Variants in TECRL observed in about 807,000 individuals in gnomAD.
The protein encoded by TECRL is trans-2,3-enoyl-CoA reductase-like.
Under a neutral mutation model 52.8 loss-of-function variants are expected in TECRL, and 63 were observed. The ratio of observed to expected loss-of-function variants is 1.19; its 90% CI spans 0.97 to 1.47. TECRL has a LOEUF of 1.47. Among genes scored for constraint, TECRL ranks in the 40% most tolerant of loss-of-function variants. TECRL has a pLI of 0.00. For missense variants in TECRL, 482 were observed against 429.6 expected, an observed-to-expected ratio of 1.12 and a Z score of -1.08; for synonymous variants, 164 against 141.9, an observed-to-expected ratio of 1.16 and a Z score of -1.10.
intron 2 of TECRL, among the ~76,000 whole-genome samples, chr4:64,361,719 G>A (rs910958005): frequency 6.6e-6 from 1 of 151,970 alleles, no homozygotes; most frequent in African/African-American, 2.4e-5. Context: ...CCCTATCTGA[G>A]AGACAACTTC....
chr4:64,387,968 T>C (rs1288750590), intron 1 of TECRL, among the ~76,000 whole-genome samples: 1 of 151,834 alleles, frequency 6.6e-6, no homozygotes, highest in East Asian at 1.9e-4. Context: ...GTTTGTTTCT[T>C]GTCTTTTTAT....
intron 4 of TECRL, among the ~76,000 whole-genome samples, chr4:64,320,980 T>C (rs1395557042): frequency 6.6e-6 from 1 of 152,104 alleles, no homozygotes; most frequent in East Asian, 1.9e-4. Flanking sequence ...TCAACTATTT[T>C]TTTTCATTTG....
intron 4 of TECRL, among the ~76,000 whole-genome samples, chr4:64,320,859 G>A (rs1450240644): frequency 6.6e-6 from 1 of 152,008 alleles, no homozygotes; most frequent in African/African-American, 2.4e-5. Context: ...ATCGTCTATA[G>A]GTTGTTTTCT....
intron 2 of TECRL, among the ~76,000 whole-genome samples, chr4:64,373,938 T>C (rs1722159551): frequency 6.8e-6 from 1 of 147,518 alleles, no homozygotes; most frequent in African/African-American, 2.5e-5. Flanking sequence ...ATACACTATA[T>C]ATATACTATA....
chr4:64,301,326 A>G (rs2109976939), intron 7 of TECRL, among the ~76,000 whole-genome samples: 1 of 151,280 alleles, frequency 6.6e-6, no homozygotes, highest in South Asian at 2.1e-4. Flanking sequence ...TTAATGTTGT[A>G]CCAATTTTGC....
intron 2 of TECRL, among the ~76,000 whole-genome samples, chr4:64,357,663 TATAG>T (rs1720864439): frequency 6.6e-6 from 1 of 151,524 alleles, no homozygotes; most frequent in Non-Finnish European, 1.5e-5. Flanking sequence ...CAAAATAAAT[TATAG>T]ATACTCAGAT....
At chr4:64,315,691 C>T (rs1280772807) in intron 4 of TECRL, among the ~76,000 whole-genome samples, 2 of 151,988 alleles carry the variant, frequency 1.3e-5, no homozygotes, top group Non-Finnish European at 2.9e-5. Flanking sequence ...ATCATGTTCA[C>T]AGCTCTGTTG....
chr4:64,373,134 T>C (rs771079948), intron 2 of TECRL, among the ~76,000 whole-genome samples: 27 of 151,806 alleles, frequency 1.8e-4, no homozygotes, highest in Middle Eastern at 6.8e-3. Context: ...GTGTCTTCAA[T>C]TTGTAAAACC....
intron 9 of TECRL, among the ~76,000 whole-genome samples, chr4:64,283,758 T>C (rs1040989760): frequency 2.6e-5 from 4 of 152,056 alleles, no homozygotes; most frequent in Admixed American, 2.6e-4. Flanking sequence ...ATCTGTTAAG[T>C]CAAGTTTGTT....
intron 2 of TECRL, among the ~76,000 whole-genome samples, chr4:64,340,924 C>A (rs898948328): frequency 2.0e-5 from 3 of 152,158 alleles, no homozygotes; most frequent in Admixed American, 6.5e-5. Context: ...GAACTACCAG[C>A]TGCAGAGAGG....
rs1487317970 is a variant in TECRL, at chr4:64,401,683, T to A, written c.234+7435A>T. ...TAAGCTTCGTGTAATCTAAACTATTTGAATAACAAAGCAGGCATAGCTCTC... is the reference window on the plus strand; with the variant it reads ...TAAGCTTCGTGTAATCTAAACTATTAGAATAACAAAGCAGGCATAGCTCTC... On this transcript the variant is annotated intron_variant, in intron 1 of 11. Transcript: ENST00000381210. 5.9e-5 allele frequency among the ~76,000 whole-genome samples: 9 copies of A among 152,174 alleles called. No individual in the cohort carries two copies. The East Asian group carries it at 1.7e-3, about 29-fold the overall frequency.
At chr4:64,356,387 A>G (rs906173913) in intron 2 of TECRL, among the ~76,000 whole-genome samples, 1 of 152,090 alleles carries the variant, frequency 6.6e-6, no homozygotes, top group African/African-American at 2.4e-5. Context: ...GCCCCTGGGA[A>G]CTGAATGTCT....
At chr4:64,276,936 A>G (rs1259011014), downstream of TECRL, 17 of 859,190 alleles carry the variant, frequency 2.0e-5, no homozygotes, top group Non-Finnish European at 2.9e-5. Flanking sequence ...TAGGTTTTAA[A>G]GGCTAAAAAT....
At chr4:64,313,122 A>G (rs1027327021) in intron 5 of TECRL, among the ~76,000 whole-genome samples, 11 of 152,196 alleles carry the variant, frequency 7.2e-5, no homozygotes, top group African/African-American at 2.7e-4. Flanking sequence ...TAATCAGGAC[A>G]AGAAAGGAGG....
chr4:64,323,171 G>A (rs1001677270), intron 3 of TECRL, among the ~76,000 whole-genome samples: 6 of 151,860 alleles, frequency 4.0e-5, no homozygotes, highest in African/African-American at 9.7e-5. Flanking sequence ...GAGCTGAGGT[G>A]AGCAGATCGC....
At chr4:64,403,570 G>A (rs1724508542) in intron 1 of TECRL, among the ~76,000 whole-genome samples, 1 of 150,538 alleles carries the variant, frequency 6.6e-6, no homozygotes, top group African/African-American at 2.4e-5. Flanking sequence ...AAACTATCTA[G>A]GACACACATA....
intron 1 of TECRL, among the ~76,000 whole-genome samples, chr4:64,402,080 G>A (rs1302326120): frequency 2.0e-5 from 3 of 151,928 alleles, no homozygotes; most frequent in South Asian, 2.1e-4. Context: ...GCCTACCAAG[G>A]GAAATACAAA....
chr4:64,378,036 A>G (rs1396119956), intron 1 of TECRL, among the ~76,000 whole-genome samples: 1 of 152,128 alleles, frequency 6.6e-6, no homozygotes, highest in Non-Finnish European at 1.5e-5. Flanking sequence ...GAACTTGTCT[A>G]AAAGTAAAAG....
chr4:64,344,472 G>T (rs1474926582), intron 2 of TECRL, among the ~76,000 whole-genome samples: 2 of 152,042 alleles, frequency 1.3e-5, no homozygotes, highest in African/African-American at 4.8e-5. Flanking sequence ...TTATGGAAAA[G>T]GTAGCATCTG....
Sources: gnomAD v4.1 joint callset for allele counts (sites outside exome capture counted in the v4.1 genomes callset) on GRCh38, gnomAD v4.1.1 for gene constraint, MANE v1.5 for transcripts, NCBI Gene and HGNC (gene_info 2026-07-23, HGNC 2026-07-21) for gene names.